The following FGF13 variants were observed in gnomAD, a reference collection of about 807,000 sequenced individuals.
FGF13 encodes the protein fibroblast growth factor 13.
In FGF13, 2 loss-of-function variants were observed where a neutral mutation model predicts 19.5. The ratio of observed to expected loss-of-function variants is 0.10; its 90% CI spans 0.04 to 0.32. The LOEUF is 0.32. FGF13 is among the 10% of genes least tolerant of loss of function. The probability of loss-of-function intolerance (pLI) is 1.00; values close to 1 mark genes in which losing one functional copy is unlikely to be tolerated. For synonymous variants in FGF13, 72 were observed against 76.9 expected (o/e 0.94, Z 0.33); for missense variants, 113 against 192.7 (o/e 0.59, Z 2.45).
intron 3 of FGF13, among the ~76,000 whole-genome samples, chrX:138,749,499 C>T (rs2090381967): frequency 8.9e-6 from 1 of 111,800 alleles, no homozygotes; most frequent in Non-Finnish European, 1.9e-5. Context: ...TCAGGAAAGC[C>T]TGTCTCAGAG....
chrX:139,034,909 A>G (rs1010696560), intron 1 of FGF13, among the ~76,000 whole-genome samples: 1 of 111,984 alleles, frequency 8.9e-6, no homozygotes, highest in Non-Finnish European at 1.9e-5. Flanking sequence ...GAATGTTTTC[A>G]TAATAACAAC....
At chrX:138,677,191 G>A (rs1294307100) in intron 3 of FGF13, among the ~76,000 whole-genome samples, 2 of 111,767 alleles carry the variant, frequency 1.8e-5, no homozygotes, top group Non-Finnish European at 3.8e-5. Context: ...GGTAGCTTAA[G>A]AAATAAACGT....
At chrX:139,091,813 G>T (rs1449708595) in intron 1 of FGF13, among the ~76,000 whole-genome samples, 1 of 110,941 alleles carries the variant, frequency 9.0e-6, no homozygotes, top group East Asian at 2.9e-4. Context: ...TGCTGGAAAT[G>T]AGCGCACATG....
upstream of FGF13, among the ~76,000 whole-genome samples, chrX:138,712,478 C>T (rs1287993625): frequency 9.0e-6 from 1 of 111,089 alleles, no homozygotes; most frequent in East Asian, 2.9e-4. Flanking sequence ...TTATTTTTTT[C>T]TGCTCCTCCA....
downstream of FGF13, among the ~76,000 whole-genome samples, chrX:138,856,194 C>T (rs903254381): frequency 1.8e-5 from 2 of 111,203 alleles, no homozygotes; most frequent in African/African-American, 3.3e-5. Flanking sequence ...ATGTGGAAGT[C>T]GGTGGTCACA....
chrX:138,754,893 C>T (rs1270762494), intron 3 of FGF13, among the ~76,000 whole-genome samples: 3 of 111,332 alleles, frequency 2.7e-5, no homozygotes, highest in South Asian at 3.8e-4. Flanking sequence ...AAAATAAGCA[C>T]GTCCTGTGTG....
At chrX:138,824,236 A>G (rs1219424298) in intron 3 of FGF13, among the ~76,000 whole-genome samples, 1 of 112,002 alleles carries the variant, frequency 8.9e-6, no homozygotes, top group Non-Finnish European at 1.9e-5. Flanking sequence ...CAGAAGAGGG[A>G]AGCTAAGGGA....
chrX:139,020,783 A>C (rs914966540), intron 1 of FGF13, among the ~76,000 whole-genome samples: 1 of 111,646 alleles, frequency 9.0e-6, no homozygotes, highest in Non-Finnish European at 1.9e-5. Context: ...TTTTAGGTGT[A>C]TTTTATTGCA....
chrX:138,780,958 C>T (rs1362916005), intron 3 of FGF13, among the ~76,000 whole-genome samples: 6 of 110,574 alleles, frequency 5.4e-5, no homozygotes, highest in African/African-American at 2.0e-4. Context: ...GAAATTATAA[C>T]AAACTATCTC....
At chrX:138,953,515 A>G (rs2091825125) in intron 1 of FGF13, among the ~76,000 whole-genome samples, 1 of 111,304 alleles carries the variant, frequency 9.0e-6, no homozygotes, top group African/African-American at 3.3e-5. Flanking sequence ...CCACTGGCAC[A>G]TGTATACATA....
chrX:139,106,136 A>G (rs2083558502), intron 1 of FGF13, among the ~76,000 whole-genome samples: 1 of 112,150 alleles, frequency 8.9e-6, no homozygotes, highest in Non-Finnish European at 1.9e-5. Context: ...AAAATCTCTG[A>G]GTAGCCATCC....
rs2092064806 is a variant in FGF13 at position 138,999,986 on chromosome X, C to T, written c.-112-135336G>A. On this transcript the variant is annotated intron_variant, in intron 1 of 2. Coordinates refer to the FGF13 transcript ENST00000421460. ...GCAGCACATCAAAAAGCTTATCCAC[C>T]ACGATCAAGTAGGCTTCATTCCTGG... Among the ~76,000 whole-genome samples the T allele has an allele frequency of 2.7e-5, 3 of 111,833 alleles. No homozygotes were observed. In the Admixed American group the frequency reaches 2.8e-4, roughly 11 times the overall value.
chrX:139,032,801 T>C lies in FGF13; in HGVS notation c.-112-168151A>G, dbSNP rs918038978. Among the ~76,000 whole-genome samples the C allele has an allele frequency of 2.7e-5, 3 of 109,650 alleles. 1 individual carries two copies. The highest frequency in any genetic ancestry group is 8.4e-3 in the Middle Eastern group (2 of 238). On this transcript the variant is annotated intron_variant, in intron 1 of 2. Transcript: ENST00000421460. ...GAAGAACCACGACAACTGAGATGGA[T>C]GGATATTTCTTTATTCAGTTCTCTA... is the stretch of plus-strand genomic sequence containing the variant.
chrX:138,673,606 T>G (rs1034158413), intron 3 of FGF13, among the ~76,000 whole-genome samples: 1 of 111,525 alleles, frequency 9.0e-6, no homozygotes, highest in African/African-American at 3.3e-5. Flanking sequence ...GACAAGAAAT[T>G]ACTTGGAACT....
chrX:138,644,608 A>C (rs2089287487), intron 3 of FGF13, among the ~76,000 whole-genome samples: 1 of 111,645 alleles, frequency 9.0e-6, no homozygotes, highest in African/African-American at 3.3e-5. Flanking sequence ...CACTTTTGAC[A>C]CACATTGGAT....
chrX:139,036,782 T>C (rs190314177), intron 1 of FGF13, among the ~76,000 whole-genome samples: 135 of 111,392 alleles, frequency 1.2e-3, no homozygotes, highest in African/African-American at 4.3e-3. Context: ...ACATCTTACA[T>C]GGATGGCAGC....
At chrX:139,032,987 T>A (rs2092233782) in intron 1 of FGF13, among the ~76,000 whole-genome samples, 1 of 55,305 alleles carries the variant, frequency 1.8e-5, no homozygotes, top group South Asian at 1.0e-3. Context: ...CCTGGCCTGG[T>A]AAAATAATTA....
At chrX:138,764,478 T>G (rs1051125254) in intron 3 of FGF13, among the ~76,000 whole-genome samples, 6 of 112,831 alleles carry the variant, frequency 5.3e-5, no homozygotes, top group African/African-American at 1.9e-4. Flanking sequence ...ATGCCATCTA[T>G]GTTTACACAG....
At chrX:138,668,105 C>A (rs17538941) in intron 3 of FGF13, among the ~76,000 whole-genome samples, 118 of 111,559 alleles carry the variant, frequency 1.1e-3, no homozygotes, top group African/African-American at 3.3e-3. Flanking sequence ...TGGACTGTAA[C>A]GGCAAATAAT....
Sources: gnomAD v4.1 joint callset for allele counts (sites outside exome capture counted in the v4.1 genomes callset) on GRCh38, gnomAD v4.1.1 for gene constraint, MANE v1.5 for transcripts, NCBI Gene and HGNC (gene_info 2026-07-23, HGNC 2026-07-21) for gene names.